TENM4: variants seen among roughly 807,000 people sequenced by gnomAD.
The protein encoded by TENM4 is teneurin transmembrane protein 4.
In TENM4, 82 loss-of-function variants were observed where a neutral mutation model predicts 243.3. That is an observed-to-expected ratio of 0.34 (90% CI 0.28 to 0.40). TENM4 has a LOEUF of 0.40. Among genes scored for constraint, TENM4 ranks in the 10% least tolerant of loss-of-function variants. The pLI is 1.00. For missense variants in TENM4, 3,138 were observed against 3,673.3 expected (o/e 0.85, Z 3.77); for synonymous variants, 1,412 against 1,456.3 (o/e 0.97, Z 0.69).
In TENM4 at chr11:78,654,037, T is replaced by C. The variant is rs1418009021; in HGVS notation, c.*4021A>G. The C allele has an allele frequency of 6.6e-6, 1 of 152,274 alleles. No homozygotes were observed. Among genetic ancestry groups the C allele is most frequent in the Non-Finnish European group, 1.5e-5 (1 of 68,054 alleles). The allele number at this position is 152,274 out of a possible 1,614,324, so 9.4% of individuals were successfully genotyped here. A position where few individuals can be genotyped will look rare whatever the true frequency, so the allele number is the denominator to read the frequency against. On this transcript the variant is annotated 3_prime_UTR_variant, in exon 34 of 34. Transcript: ENST00000278550. ...GGGCCTTGAACTGCAGAGTTCTTTTTTAATTCCCTTTCCTCCAGTAAAATA... is the reference window on the plus strand; with the variant it reads ...GGGCCTTGAACTGCAGAGTTCTTTTCTAATTCCCTTTCCTCCAGTAAAATA...
At chr11:78,864,515 A>G (rs1037378164) in intron 9 of TENM4, among the ~76,000 whole-genome samples, 1 of 152,044 alleles carries the variant, frequency 6.6e-6, no homozygotes, top group Non-Finnish European at 1.5e-5. Context: ...GACAATCTAG[A>G]AAGAGACCAT....
chr11:78,841,627 C>G (rs1398642799), intron 12 of TENM4, among the ~76,000 whole-genome samples: 2 of 151,974 alleles, frequency 1.3e-5, no homozygotes, highest in African/African-American at 4.8e-5. Flanking sequence ...TTCCATTAGT[C>G]ATCTCCCCTC....
At chr11:78,868,185 T>C (rs1361256721) in intron 9 of TENM4, among the ~76,000 whole-genome samples, 2 of 152,102 alleles carry the variant, frequency 1.3e-5, no homozygotes, top group East Asian at 3.9e-4. Context: ...CCATGTTCCC[T>C]GAAGAATGAA....
chr11:79,438,806 C>A lies in TENM4; in HGVS notation c.-321+1703G>T, dbSNP rs61884093. 0.077 allele frequency among the ~76,000 whole-genome samples: 11,753 copies of A among 152,204 alleles called. 521 individuals are homozygous for A. The highest frequency in any genetic ancestry group is 0.11 in the East Asian group (581 of 5,160). On this transcript the variant is annotated intron_variant, in intron 1 of 33. Transcript: ENST00000278550. The surrounding 1 kb of genome is among the most constrained non-coding windows in gnomAD (Gnocchi z 4.1). ...TCAGTTCTGACTGACTCCTCCTCTGCGATCAATTCCGGATGCCCCCACTTA... is the reference window on the plus strand; with the variant it reads ...TCAGTTCTGACTGACTCCTCCTCTGAGATCAATTCCGGATGCCCCCACTTA...
At chr11:78,690,243 G>A (rs1006606947) in intron 28 of TENM4, among the ~76,000 whole-genome samples, 2 of 152,292 alleles carry the variant, frequency 1.3e-5, no homozygotes, top group South Asian at 4.1e-4. Flanking sequence ...GTGTCTTGGA[G>A]TAAAGATCTG....
intron 2 of TENM4, among the ~76,000 whole-genome samples, chr11:79,269,964 G>C (rs941639674): frequency 6.6e-6 from 1 of 151,988 alleles, no homozygotes; most frequent in Admixed American, 6.6e-5. Context: ...TGCTATCCCT[G>C]ACTTCCCCTC....
intron 6 of TENM4, among the ~76,000 whole-genome samples, chr11:79,019,415 A>G (rs1484001673): frequency 6.6e-6 from 1 of 151,668 alleles, no homozygotes; most frequent in Non-Finnish European, 1.5e-5. Context: ...CCAAAGCCCA[A>G]CTCTTCTACC....
intron 12 of TENM4, among the ~76,000 whole-genome samples, chr11:78,844,317 G>A (rs1016755507): frequency 1.4e-4 from 21 of 152,158 alleles, no homozygotes; most frequent in Admixed American, 1.0e-3. Flanking sequence ...CACAGTAGTG[G>A]GGCATTAATC....
At chr11:79,124,889 GTA>G (rs368740191) in intron 4 of TENM4, among the ~76,000 whole-genome samples, 42,483 of 100,530 alleles carry the variant, frequency 0.42, 6,948 homozygotes, top group Middle Eastern at 0.5. Context: ...ATATGTATAT[GTA>G]TATGTGTGTG....
chr11:78,775,004 T>C (rs1005923338), intron 17 of TENM4, among the ~76,000 whole-genome samples: 1 of 152,232 alleles, frequency 6.6e-6, no homozygotes, highest in Non-Finnish European at 1.5e-5. Context: ...CCTTGTGAAA[T>C]AGTAGTTCTA....
intron 3 of TENM4, among the ~76,000 whole-genome samples, chr11:79,165,346 G>A (rs1210962536): frequency 6.6e-6 from 1 of 152,152 alleles, no homozygotes; most frequent in Non-Finnish European, 1.5e-5. Flanking sequence ...TTGCAGGAGT[G>A]AGACAGTATT....
intron 2 of TENM4, among the ~76,000 whole-genome samples, chr11:79,230,971 G>A (rs958365145): frequency 6.6e-6 from 1 of 152,106 alleles, no homozygotes; most frequent in South Asian, 2.1e-4. Flanking sequence ...TCAGCCCACC[G>A]GACTCACTGG....
At position 79,069,995 on chromosome 11, in the gene TENM4, T is replaced by G; in HGVS notation, c.-51A>C. The stretch of plus-strand genomic sequence containing the variant: ...TCCACAAACAGGGTCCTCGCCGCAC[T>G]CAGGGCCGAGTGGTCTAGAGCCAGG... On this transcript the variant is annotated 5_prime_UTR_variant, in exon 5 of 34. Coordinates refer to ENST00000278550, the MANE Select transcript of TENM4 (RefSeq NM_001098816.3). 1 of 1,529,258 alleles carries G rather than the reference T, an allele frequency of 6.5e-7. No homozygotes were observed. Among genetic ancestry groups the G allele is most frequent in the Non-Finnish European group, 8.8e-7 (1 of 1,140,650 alleles). 94.7% of individuals were successfully genotyped at this position (1,529,258 alleles called of 1,614,324 possible).
chr11:79,057,215 C>G (rs1344325136), intron 6 of TENM4, among the ~76,000 whole-genome samples: 1 of 152,176 alleles, frequency 6.6e-6, no homozygotes, highest in Non-Finnish European at 1.5e-5. Context: ...AGTCAGACCT[C>G]ATCACTTCTC....
intron 3 of TENM4, among the ~76,000 whole-genome samples, chr11:79,203,334 T>C (rs1863785539): frequency 6.6e-6 from 1 of 152,194 alleles, no homozygotes; most frequent in Non-Finnish European, 1.5e-5. Context: ...ACATTATTCA[T>C]AATAGCATAA....
chr11:78,775,212 G>A (rs940220411), intron 17 of TENM4, among the ~76,000 whole-genome samples: 2 of 152,210 alleles, frequency 1.3e-5, no homozygotes, highest in Non-Finnish European at 2.9e-5. Context: ...CCAGTAACCT[G>A]TGTAATATTC....
chr11:79,163,071 A>G (rs933178708), intron 3 of TENM4, among the ~76,000 whole-genome samples: 1 of 152,152 alleles, frequency 6.6e-6, no homozygotes, highest in African/African-American at 2.4e-5. Flanking sequence ...AGCATGTTTA[A>G]TGTAGAGAAC....
chr11:79,331,124 C>A (rs139015062), intron 1 of TENM4, among the ~76,000 whole-genome samples: 1 of 151,984 alleles, frequency 6.6e-6, no homozygotes, highest in Non-Finnish European at 1.5e-5. Context: ...TGTGTAGGGA[C>A]GGAGGCATGG....
At position 78,669,199 on chromosome 11, in the gene TENM4, G is replaced by A. The variant is rs189655072; in HGVS notation, c.7146C>T (p.Tyr2382=). Residue 2382 remains tyrosine (Y), a synonymous_variant, in exon 32 of 34, where the codon TAC becomes TAT. Coordinates refer to ENST00000278550, the MANE Select transcript of TENM4 (RefSeq NM_001098816.3). The surrounding 1 kb of genome is among the most constrained non-coding windows in gnomAD (Gnocchi z 6.4). Reference sequence around the variant, plus strand: ...CCATGTAGATCTCCCCATAGGCTGTGTACAGGATTTGCTTGATCATCAAAC... The same window carrying A: ...CCATGTAGATCTCCCCATAGGCTGTATACAGGATTTGCTTGATCATCAAAC... ...GTGLMIKQIL[Y]TAYGEIYMDT... The A allele has an allele frequency of 1.8e-3, 2,857 of 1,612,486 alleles. 15 individuals are homozygous for A. Among genetic ancestry groups the A allele is most frequent in the Non-Finnish European group, 1.6e-3 (1,848 of 1,179,384 alleles).
Sources: gnomAD v4.1 joint callset for allele counts (sites outside exome capture counted in the v4.1 genomes callset) on GRCh38, gnomAD v4.1.1 for gene constraint, Gnocchi (gnomAD v3.1) non-coding constraint, MANE v1.5 for transcripts, NCBI Gene and HGNC (gene_info 2026-07-23, HGNC 2026-07-21) for gene names.